PDZD9: variants seen among roughly 807,000 people sequenced by gnomAD.
The protein encoded by PDZD9 is PDZ domain containing 9, also known as PDZ domain-containing protein 9.
Under a neutral mutation model 16.3 loss-of-function variants are expected in PDZD9, and 13 were observed. The observed-to-expected ratio is 0.80, with a 90% CI of 0.52 to 1.27. The LOEUF (loss-of-function observed/expected upper bound fraction) is 1.27, where lower values mean the gene tolerates loss of function less well. Among genes scored for constraint, PDZD9 ranks in the 50% most tolerant of loss-of-function variants. The pLI, the probability that PDZD9 is intolerant of heterozygous loss-of-function variation, is 0.00. For missense variants in PDZD9, 288 were observed against 310.9 expected, an observed-to-expected ratio of 0.93 and a Z score of 0.55; for synonymous variants, 120 against 111.0, an observed-to-expected ratio of 1.08 and a Z score of -0.51.
At chr16:21,976,365 G>A in the PDZD9 span, 1 of 834,706 alleles carries the variant, frequency 1.2e-6, no homozygotes, top group Non-Finnish European at 1.9e-6. Context: ...AGCGTAAAAA[G>A]GGAAACATAC....
chr16:21,985,021 C>T (rs1270356663), intron 3 of PDZD9, among the ~76,000 whole-genome samples: 3 of 152,136 alleles, frequency 2.0e-5, no homozygotes, highest in African/African-American at 7.2e-5. Flanking sequence ...TTGTGGCTCA[C>T]GTGGCATTAA....
At chr16:21,963,048 G>T in the PDZD9 span, 1 of 910,130 alleles carries the variant, frequency 1.1e-6, no homozygotes. Context: ...GAGTGCAGTG[G>T]CACGATCTTG....
At position 21,996,440 on chromosome 16, in the gene PDZD9, G is replaced by C. The variant is rs1403904447; in HGVS notation, c.93C>G (p.Thr31=). Residue 31 remains threonine, a synonymous_variant, in exon 2 of 4, where the codon ACC becomes ACG. Coordinates refer to ENST00000424898, the MANE Select transcript of PDZD9 (RefSeq NM_001363519.1). The stretch of plus-strand genomic sequence containing the variant: ...ATCCCAGGCTACCCACAGTGAGTTT[G>C]GTCTGCTGTGTTTTGCTCAAGTTGT... ...SVHNLSKTQQ[T]KLTVGSLGLG... The C allele has an allele frequency of 7.2e-6, 11 of 1,535,926 alleles. No homozygotes were observed. The highest frequency in any genetic ancestry group is 9.6e-6 in the Non-Finnish European group (11 of 1,146,864).
the PDZD9 span, chr16:21,976,357 C>A: frequency 3.5e-5 from 32 of 908,264 alleles, no homozygotes; most frequent in Non-Finnish European, 5.2e-5. Context: ...TACAGAAAAG[C>A]GTAAAAAGGG....
chr16:21,973,091 C>T, the PDZD9 span, among the ~76,000 whole-genome samples: 1 of 152,160 alleles, frequency 6.6e-6, no homozygotes, highest in Non-Finnish European at 1.5e-5. Context: ...CAGAGCAAGA[C>T]TCTGTCTCAA....
intron 2 of PDZD9, among the ~76,000 whole-genome samples, chr16:21,992,244 T>A (rs768356415): frequency 5.3e-5 from 8 of 151,934 alleles, no homozygotes; most frequent in Non-Finnish European, 5.9e-5. Flanking sequence ...CTTATTCAAA[T>A]AAAATTAAAA....
Position 21,984,562 on chromosome 16 carries a change from T to G in PDZD9, c.500A>C (p.Tyr167Ser). ...AGGGTGATGCACAGTTGACCACGGA[T>G]ATCTATAATATTGAAGTCTTTTATC... is the stretch of plus-strand genomic sequence containing the variant. ...DLDKRLQYYRYPWSTVHHPAR... is the reference protein window; with the variant it reads ...DLDKRLQYYRSPWSTVHHPAR... Residue 167 changes from tyrosine (Y) to serine (S), a missense_variant, in exon 4 of 4, where the codon TAT becomes TCT. Physicochemically the swap from Tyr to Ser is moderately radical, Grantham distance 144. Transcript: ENST00000424898. 6.3e-7 allele frequency: 1 copy of G among 1,582,106 alleles called. No individual in the cohort carries two copies.
chr16:21,995,787 A>T lies in PDZD9; in HGVS notation c.211+535T>A, dbSNP rs549390774. 4.5e-3 allele frequency among the ~76,000 whole-genome samples: 676 copies of T among 151,508 alleles called. 2 individuals carry two copies. The highest frequency in any genetic ancestry group is 6.8e-3 in the Middle Eastern group (2 of 294). ...TAATTTTTGTATTTGTATTTATTTT[A>T]TTTATTTATTTATTTAATTATTTTT... On this transcript the variant is annotated intron_variant, in intron 2 of 3. Coordinates refer to ENST00000424898, the MANE Select transcript of PDZD9 (RefSeq NM_001363519.1).
At chr16:21,978,500 C>G in the PDZD9 span, among the ~76,000 whole-genome samples, 2 of 152,144 alleles carry the variant, frequency 1.3e-5, no homozygotes, top group African/African-American at 4.8e-5. Context: ...GCTTACAAGA[C>G]CTGTACTGCC....
downstream of PDZD9, chr16:21,980,632 G>A (rs181040575): frequency 6.2e-6 from 10 of 1,614,006 alleles, no homozygotes; most frequent in Non-Finnish European, 8.5e-6. Context: ...TCTAGTTGCT[G>A]GTTCTTACAT....
chr16:21,996,300 A>AGCATGGCGAAAGG (rs1338203903), intron 2 of PDZD9, 22 bp downstream of exon 2: 4 of 1,529,332 alleles, frequency 2.6e-6, no homozygotes, highest in Non-Finnish European at 3.5e-6. Flanking sequence ...GTGGTTGGGA[A>AGCATGGCGAAAGG]GCATGGCGAA....
chr16:21,994,173 G>T (rs1335371398), intron 2 of PDZD9, among the ~76,000 whole-genome samples: 1 of 152,208 alleles, frequency 6.6e-6, no homozygotes, highest in Non-Finnish European at 1.5e-5. Context: ...TCCAGCATGG[G>T]TGACAGAGTG....
At chr16:21,992,858 C>T (rs1367073063) in intron 2 of PDZD9, among the ~76,000 whole-genome samples, 1 of 152,066 alleles carries the variant, frequency 6.6e-6, no homozygotes, top group Non-Finnish European at 1.5e-5. Context: ...ATGTCATTGC[C>T]GATTGTAATC....
At chr16:21,975,313 A>C in the PDZD9 span, among the ~76,000 whole-genome samples, 1 of 152,186 alleles carries the variant, frequency 6.6e-6, no homozygotes, top group African/African-American at 2.4e-5. Flanking sequence ...GATCTTGATA[A>C]AGTGGAAGAA....
intron 2 of PDZD9, among the ~76,000 whole-genome samples, chr16:21,989,463 T>TA (rs1049995270): frequency 1.1e-4 from 17 of 152,298 alleles, no homozygotes; most frequent in African/African-American, 3.8e-4. Flanking sequence ...TGGCTATTAC[T>TA]AGAAAAGAAA....
At chr16:21,991,411 G>A (rs1272102692) in intron 2 of PDZD9, among the ~76,000 whole-genome samples, 1 of 151,922 alleles carries the variant, frequency 6.6e-6, no homozygotes, top group Non-Finnish European at 1.5e-5. Flanking sequence ...GCTAGTTTTT[G>A]TATTTTTTAT....
the PDZD9 span, chr16:21,965,522 T>C: frequency 2.0e-6 from 3 of 1,528,430 alleles, no homozygotes; most frequent in Non-Finnish European, 2.6e-6. Flanking sequence ...ATAAAACATA[T>C]TTTGAAATGT....
the PDZD9 span, among the ~76,000 whole-genome samples, chr16:21,966,672 T>C: frequency 6.6e-6 from 1 of 152,240 alleles, no homozygotes; most frequent in African/African-American, 2.4e-5. Flanking sequence ...TATTTAGAAA[T>C]TTTAACTTAC....
intron 2 of PDZD9, chr16:21,995,350 G>A (rs1454437542): frequency 2.3e-6 from 1 of 425,964 alleles, no homozygotes; most frequent in Non-Finnish European, 4.7e-6. Flanking sequence ...TCTTATAAAT[G>A]ACCCAGTTTC....
Sources: gnomAD v4.1 joint callset for allele counts (sites outside exome capture counted in the v4.1 genomes callset) on GRCh38, gnomAD v4.1.1 for gene constraint, MANE v1.5 for transcripts, NCBI Gene and HGNC (gene_info 2026-07-23, HGNC 2026-07-21) for gene names.